Variants in UST observed in about 807,000 individuals in gnomAD.
UST encodes the protein chondroitin sulfate 2-O-sulfotransferase.
A neutral mutation model predicts 45.6 loss-of-function variants in UST; 21 were observed. The observed-to-expected ratio is 0.46, with a 90% CI of 0.33 to 0.66. The LOEUF (loss-of-function observed/expected upper bound fraction) is 0.66. UST is among the 30% of genes least tolerant of loss of function. The pLI, the probability that UST is intolerant of heterozygous loss-of-function variation, is 0.02. For synonymous variants in UST, 215 were observed against 200.6 expected, an observed-to-expected ratio of 1.07 and a Z score of -0.61; for missense variants, 463 against 512.4, an observed-to-expected ratio of 0.90 and a Z score of 0.93.
At chr6:149,023,118 G>A (rs1380371774) in intron 7 of UST, among the ~76,000 whole-genome samples, 2 of 147,626 alleles carry the variant, frequency 1.4e-5, no homozygotes, top group Non-Finnish European at 3.0e-5. Context: ...GTGTGTGTGT[G>A]TGTGTGTGTG....
At chr6:148,977,585 A>G (rs1475013208) in intron 5 of UST, among the ~76,000 whole-genome samples, 1 of 152,018 alleles carries the variant, frequency 6.6e-6, no homozygotes, top group Non-Finnish European at 1.5e-5. Context: ...CCCCGTCTCT[A>G]CTAAAGATAC....
intron 5 of UST, 171 bp downstream of exon 5, chr6:148,964,734 C>T (rs1780748133): frequency 2.7e-6 from 2 of 749,260 alleles, no homozygotes; most frequent in Non-Finnish European, 4.2e-6. Context: ...AAACTGGTTC[C>T]GGGTGACCCA....
chr6:148,899,353 C>T (rs572129161), intron 2 of UST, among the ~76,000 whole-genome samples: 54 of 152,304 alleles, frequency 3.5e-4, no homozygotes, highest in Non-Finnish European at 6.0e-4. Flanking sequence ...CCCGCCTCGG[C>T]CTCCCAAAGT....
At chr6:149,013,833 G>A (rs1403428999) in intron 5 of UST, among the ~76,000 whole-genome samples, 1 of 152,226 alleles carries the variant, frequency 6.6e-6, no homozygotes, top group Non-Finnish European at 1.5e-5. Flanking sequence ...GCATGGAGCT[G>A]TGTAAAAACA....
chr6:149,013,452 G>A (rs979327078), intron 5 of UST, among the ~76,000 whole-genome samples: 1 of 152,010 alleles, frequency 6.6e-6, no homozygotes, highest in African/African-American at 2.4e-5. Flanking sequence ...TTTGAACCCA[G>A]GAGGCAGAGG....
chr6:148,979,600 C>G (rs907713911), intron 5 of UST, among the ~76,000 whole-genome samples: 1 of 152,194 alleles, frequency 6.6e-6, no homozygotes, highest in African/African-American at 2.4e-5. Context: ...TCCATCCATT[C>G]AGCTACAAAT....
At chr6:148,988,652 C>T (rs926586320) in intron 5 of UST, among the ~76,000 whole-genome samples, 8 of 151,834 alleles carry the variant, frequency 5.3e-5, no homozygotes, top group East Asian at 1.9e-4. Flanking sequence ...TTGTGTTCTC[C>T]GAAAGATTGG....
intron 1 of UST, among the ~76,000 whole-genome samples, chr6:148,771,256 T>C (rs1668452559): frequency 6.6e-6 from 1 of 152,260 alleles, no homozygotes; most frequent in South Asian, 2.1e-4. Context: ...AATGACTCTT[T>C]ATTGAGTAAG....
chr6:148,991,076 G>A (rs537559894), intron 5 of UST, among the ~76,000 whole-genome samples: 3 of 152,296 alleles, frequency 2.0e-5, no homozygotes, highest in African/African-American at 4.8e-5. Flanking sequence ...GGTGGTGACC[G>A]AAAGCTAAGA....
chr6:148,992,348 CA>C (rs1027188073), intron 5 of UST, among the ~76,000 whole-genome samples: 2 of 151,934 alleles, frequency 1.3e-5, no homozygotes, highest in East Asian at 1.9e-4. Context: ...ACTAAAAATA[CA>C]AAAAAAATTA....
intron 5 of UST, among the ~76,000 whole-genome samples, chr6:149,017,841 T>C: frequency 6.9e-6 from 1 of 144,952 alleles, no homozygotes; most frequent in African/African-American, 2.6e-5. Context: ...CACACACATC[T>C]GTCAGTGTCA....
intron 4 of UST, among the ~76,000 whole-genome samples, chr6:148,962,847 C>G (rs139467868): frequency 1.7e-4 from 26 of 152,302 alleles, no homozygotes; most frequent in African/African-American, 5.1e-4. Flanking sequence ...AAACCAGGAA[C>G]AACATTATAT....
intron 5 of UST, among the ~76,000 whole-genome samples, chr6:149,011,739 G>C (rs918543409): frequency 3.9e-5 from 6 of 152,138 alleles, no homozygotes; most frequent in Non-Finnish European, 7.4e-5. Flanking sequence ...TTGAACCTGG[G>C]AGGCAGAGGT....
At chr6:149,007,242 C>T (rs1488428377) in intron 5 of UST, among the ~76,000 whole-genome samples, 8 of 147,824 alleles carry the variant, frequency 5.4e-5, no homozygotes, top group Middle Eastern at 3.5e-3. Context: ...GCCTCAGCCT[C>T]CTGAGTAGCT....
Position 148,798,728 on chromosome 6 carries a change from G to A in UST, c.247+51051G>A, listed in dbSNP as rs186634473. 7.6e-4 allele frequency among the ~76,000 whole-genome samples: 115 copies of A among 152,268 alleles called. 1 individual carries two copies. The highest frequency in any genetic ancestry group is 2.7e-3 in the African/African-American group (112 of 41,556). On this transcript the variant is annotated intron_variant, in intron 1 of 7. Transcript: ENST00000367463. ...ATGCTCACCAGGGCCAAACACTGCCGAAGGTGCTTAGCCCAGAGTCAGTGC... is the reference window on the plus strand; with the variant it reads ...ATGCTCACCAGGGCCAAACACTGCCAAAGGTGCTTAGCCCAGAGTCAGTGC...
At chr6:148,912,686 G>A (rs1234113503) in intron 2 of UST, among the ~76,000 whole-genome samples, 2 of 152,210 alleles carry the variant, frequency 1.3e-5, no homozygotes, top group African/African-American at 2.4e-5. Flanking sequence ...GTCAGGTGTG[G>A]TAGATTATTC....
intron 2 of UST, among the ~76,000 whole-genome samples, chr6:148,935,940 A>T (rs1251629579): frequency 6.6e-6 from 1 of 152,194 alleles, no homozygotes; most frequent in Non-Finnish European, 1.5e-5. Context: ...ACTGGTTGTG[A>T]TCGCCGACTG....
At chr6:148,950,220 G>A (rs1240892298) in intron 3 of UST, among the ~76,000 whole-genome samples, 3 of 152,148 alleles carry the variant, frequency 2.0e-5, no homozygotes, top group African/African-American at 7.2e-5. Context: ...TAATTCAGAA[G>A]GCCTGGGGCG....
At chr6:148,990,820 A>G (rs912273338) in intron 5 of UST, among the ~76,000 whole-genome samples, 16 of 151,954 alleles carry the variant, frequency 1.1e-4, no homozygotes, top group African/African-American at 3.9e-4. Flanking sequence ...ACACAGTGAC[A>G]CTCTCCTAGG....
Sources: allele counts gnomAD v4.1 joint callset (sites outside exome capture counted in the v4.1 genomes callset), GRCh38; gene constraint gnomAD v4.1.1; transcripts MANE v1.5; gene names NCBI Gene and HGNC (gene_info 2026-07-23, HGNC 2026-07-21).